Variants in SYT16 observed in about 807,000 individuals in gnomAD.
SYT16 encodes the protein synaptotagmin 16, also known as synaptotagmin-16.
SYT16 carries 42 observed loss-of-function variants against 61.4 expected under a neutral mutation model. That is an observed-to-expected ratio of 0.68 (90% confidence interval 0.53 to 0.89). SYT16 has a LOEUF of 0.89. SYT16 is among the 40% of genes least tolerant of loss of function. The probability of loss-of-function intolerance (pLI) is 0.00; values close to 1 mark genes in which losing one functional copy is unlikely to be tolerated. For missense variants in SYT16, 804 were observed against 807.3 expected (o/e 1.00, Z 0.05); for synonymous variants, 314 against 302.3 (o/e 1.04, Z -0.40).
At chr14:61,821,334 C>T (rs1311695057) in intron 1 of SYT16, among the ~76,000 whole-genome samples, 2 of 152,224 alleles carry the variant, frequency 1.3e-5, no homozygotes, top group Non-Finnish European at 2.9e-5. Flanking sequence ...TTTAAATACT[C>T]CCCTATATTT....
At chr14:61,953,263 G>A (rs932846134) in intron 1 of SYT16, among the ~76,000 whole-genome samples, 1 of 152,170 alleles carries the variant, frequency 6.6e-6, no homozygotes, top group Admixed American at 6.5e-5. Flanking sequence ...GGTTGTCAGT[G>A]CTTAAAGGTT....
At chr14:62,036,088 G>A (rs1048021534) in intron 3 of SYT16, among the ~76,000 whole-genome samples, 10 of 152,122 alleles carry the variant, frequency 6.6e-5, no homozygotes, top group Admixed American at 6.6e-4. Context: ...TTTGGTAAGT[G>A]CTTCCATAGG....
intron 1 of SYT16, among the ~76,000 whole-genome samples, chr14:61,834,428 CTTTTTTTTT>C (rs35260303): frequency 1.3e-5 from 1 of 76,852 alleles, no homozygotes; most frequent in African/African-American, 6.5e-5. Context: ...CCGTGCCTGG[CTTTTTTTTT>C]TTTTTTTTTT....
chr14:61,902,796 A>C (rs1204198725), intron 1 of SYT16, among the ~76,000 whole-genome samples: 1 of 152,224 alleles, frequency 6.6e-6, no homozygotes, highest in African/African-American at 2.4e-5. Context: ...TGTACATGGC[A>C]GCAGCAAGAG....
chr14:61,948,685 G>A (rs1315785341), intron 1 of SYT16, among the ~76,000 whole-genome samples: 1 of 152,170 alleles, frequency 6.6e-6, no homozygotes, highest in African/African-American at 2.4e-5. Context: ...CTCAATGACA[G>A]CTAAAGCCAC....
intron 1 of SYT16, among the ~76,000 whole-genome samples, chr14:61,911,280 A>G (rs1383953407): frequency 6.6e-6 from 1 of 152,208 alleles, no homozygotes; most frequent in Non-Finnish European, 1.5e-5. Context: ...TGCTATCAGA[A>G]CCAGGCACTT....
At chr14:62,019,863 CCTAT>C (rs1346667309) in intron 3 of SYT16, among the ~76,000 whole-genome samples, 3 of 152,194 alleles carry the variant, frequency 2.0e-5, no homozygotes, top group Non-Finnish European at 4.4e-5. Context: ...TTTAAAAGCG[CCTAT>C]CTGACACCTG....
At chr14:62,098,515 C>T (rs1191356230) in intron 7 of SYT16, among the ~76,000 whole-genome samples, 1 of 152,150 alleles carries the variant, frequency 6.6e-6, no homozygotes, top group Non-Finnish European at 1.5e-5. Context: ...TCTATATTGA[C>T]GCTAGTCACT....
chr14:62,073,924 A>G (rs2056388804), intron 4 of SYT16, among the ~76,000 whole-genome samples: 1 of 152,212 alleles, frequency 6.6e-6, no homozygotes, highest in Non-Finnish European at 1.5e-5. Context: ...CTTACATTCT[A>G]TTAATAGCTG....
At chr14:62,100,309 A>C in intron 7 of SYT16, 85 bp from the exon 8 acceptor site, 1 of 1,205,982 alleles carries the variant, frequency 8.3e-7, no homozygotes, top group East Asian at 2.6e-5. Flanking sequence ...TTTGTAGCCC[A>C]TATAAATGTT....
intron 3 of SYT16, among the ~76,000 whole-genome samples, chr14:62,009,476 G>A (rs758487680): frequency 6.6e-5 from 10 of 152,136 alleles, no homozygotes; most frequent in Non-Finnish European, 1.3e-4. Context: ...ATATAAAATT[G>A]GAGAAATGTG....
chr14:61,965,431 T>A (rs2051277746), intron 1 of SYT16, among the ~76,000 whole-genome samples: 1 of 152,138 alleles, frequency 6.6e-6, no homozygotes, highest in Admixed American at 6.6e-5. Context: ...TCTTTTGAAA[T>A]AACCAAACTT....
chr14:62,048,084 T>G (rs536196755), intron 3 of SYT16, among the ~76,000 whole-genome samples: 1 of 152,210 alleles, frequency 6.6e-6, no homozygotes, highest in Non-Finnish European at 1.5e-5. Context: ...TGGTAGAATT[T>G]GGCTGTGAAG....
At chr14:61,832,114 A>C (rs1239364480) in intron 1 of SYT16, 4 of 728,262 alleles carry the variant, frequency 5.5e-6, no homozygotes, top group Non-Finnish European at 1.0e-5. Context: ...CTCTCCTTGA[A>C]CTGAATGTGA....
chr14:62,096,638 A>G (rs1240004333), intron 7 of SYT16, among the ~76,000 whole-genome samples: 1 of 152,114 alleles, frequency 6.6e-6, no homozygotes, highest in Non-Finnish European at 1.5e-5. Context: ...ATTCTATTAA[A>G]TATATTTTGG....
At chr14:61,912,340 A>G (rs1660654) in intron 1 of SYT16, among the ~76,000 whole-genome samples, 138,152 of 152,094 alleles carry the variant, frequency 0.91, 62,875 homozygotes, top group East Asian at 0.98. Context: ...TACTGCTGTC[A>G]CTCTGACAGC....
At chr14:62,056,853 T>G (rs762583123) in intron 3 of SYT16, among the ~76,000 whole-genome samples, 3 of 152,220 alleles carry the variant, frequency 2.0e-5, no homozygotes, top group Non-Finnish European at 4.4e-5. Context: ...GAGCTTAGGT[T>G]CTGACGGCGT....
At chr14:61,887,982 G>A (rs143021192) in intron 1 of SYT16, among the ~76,000 whole-genome samples, 96 of 152,178 alleles carry the variant, frequency 6.3e-4, no homozygotes, top group African/African-American at 2.2e-3. Flanking sequence ...AGCTTTTACC[G>A]TCTTGGCTTT....
At chr14:61,889,671 C>G (rs574706474) in intron 1 of SYT16, among the ~76,000 whole-genome samples, 1 of 151,942 alleles carries the variant, frequency 6.6e-6, no homozygotes, top group South Asian at 2.1e-4. Flanking sequence ...CACTTCTTCT[C>G]CACTCATGTA....
Sources: gnomAD v4.1 joint callset for allele counts (sites outside exome capture counted in the v4.1 genomes callset) on GRCh38, gnomAD v4.1.1 for gene constraint, MANE v1.5 for transcripts, NCBI Gene and HGNC (gene_info 2026-07-23, HGNC 2026-07-21) for gene names.